The following TET2 variants were observed in gnomAD, a reference collection of about 807,000 sequenced individuals.
TET2 encodes tet methylcytosine dioxygenase 2.
In TET2, 299 loss-of-function variants were observed where a neutral mutation model predicts 142.9. That is an observed-to-expected ratio of 2.09 (90% CI 1.90 to 2.30). The LOEUF (loss-of-function observed/expected upper bound fraction) is 2.30, where lower values mean the gene tolerates loss of function less well. Among genes scored for constraint, TET2 ranks in the 30% most tolerant of loss-of-function variants. TET2 has a pLI of 0.00. For synonymous variants in TET2, 819 were observed against 849.0 expected (o/e 0.96, Z 0.61); for missense variants, 2,418 against 2,378.0 (o/e 1.02, Z -0.35).
chr4:105,235,346 T>G lies in TET2; in HGVS notation c.1404T>G (p.His468Gln). ...CCCAGAGTCCTAATCCATCTACACA[T>G]GTATGCAGCCCTTCTCCGATGCTTT... The part of the protein sequence containing the change: ...PPSQSPNPST[H>Q]VCSPSPMLSE... The change falls in exon 3 of 11, where the codon CAT becomes CAG. Residue 468 changes from histidine (H) to glutamine (Q), a missense_variant. His to Gln is a conservative substitution (Grantham distance 24, BLOSUM62 0). Transcript: ENST00000380013. 1.2e-6 allele frequency: 2 copies of G among 1,614,152 alleles called. No homozygotes were observed. Among genetic ancestry groups the G allele is most frequent in the Non-Finnish European group, 8.5e-7 (1 of 1,180,004 alleles).
intron 2 of TET2, 146 bp downstream of exon 2, chr4:105,190,651 G>C: frequency 1.8e-6 from 1 of 560,610 alleles, no homozygotes; most frequent in Non-Finnish European, 3.2e-6. Flanking sequence ...AGGACACATG[G>C]ATTAGATTGT....
chr4:105,237,694 AAAAC>A (rs1278610944), intron 3 of TET2: 1 of 1,314,500 alleles, frequency 7.6e-7, no homozygotes, highest in Non-Finnish European at 9.8e-7. Context: ...AGGCAGCAAA[AAAAC>A]AATCTATTAA....
chr4:105,241,430 GTAA>G lies in TET2; in HGVS notation c.3500+3_3500+5del. 1 of 1,549,392 alleles carries G rather than the reference GTAA, an allele frequency of 6.5e-7. No individual in the cohort carries two copies. On this transcript the variant is annotated splice_donor_variant and splice_donor_region_variant and intron_variant, in intron 4 of 10. Coordinates refer to ENST00000380013, the MANE Select transcript of TET2 (RefSeq NM_001127208.3). LOFTEE classifies it high-confidence loss of function. ...CTATTAGAGAAATCATGGAAGAAAG[GTAA>G]TTAACGCAAAGGCACAGGGCAGATT... is the stretch of plus-strand genomic sequence containing the variant.
chr4:105,175,956 C>T (rs190316324), intron 1 of TET2, among the ~76,000 whole-genome samples: 141 of 152,140 alleles, frequency 9.3e-4, no homozygotes, highest in Middle Eastern at 3.4e-3. Flanking sequence ...CGATTCTGGA[C>T]CTTGCAAAAT....
In TET2 at chr4:105,234,597, G is replaced by T; in HGVS notation, c.655G>T (p.Glu219Ter). 6.2e-7 allele frequency: 1 copy of T among 1,614,086 alleles called. No homozygotes were observed. Among genetic ancestry groups the T allele is most frequent in the Non-Finnish European group, 8.5e-7 (1 of 1,180,010 alleles). Residue 219 changes from glutamate (E) to a stop codon, truncating the protein, a stop_gained, in exon 3 of 11, where the codon GAA becomes TAA. Coordinates refer to ENST00000380013, the MANE Select transcript of TET2 (RefSeq NM_001127208.3). LOFTEE classifies it high-confidence loss of function. ...NGATVSASSVEHTHGELLEKT... is the reference protein window; with the variant it reads ...NGATVSASSV Reference sequence around the variant, plus strand: ...TGCTACAGTTTCTGCCTCTTCCGTGGAACACACACATGGTGAACTCCTGGA... The same window carrying T: ...TGCTACAGTTTCTGCCTCTTCCGTGTAACACACACATGGTGAACTCCTGGA...
intron 7 of TET2, 28 bp from the exon 8 acceptor site, chr4:105,261,731 A>T (rs774704386): frequency 4.9e-5 from 66 of 1,357,926 alleles, no homozygotes; most frequent in Non-Finnish European, 6.6e-5. Context: ...CTTAGAATTT[A>T]ATATGTAGAA....
chr4:105,152,172 G>C (rs935424731), intron 1 of TET2, among the ~76,000 whole-genome samples: 2 of 152,196 alleles, frequency 1.3e-5, no homozygotes, highest in Non-Finnish European at 2.9e-5. Flanking sequence ...AGCTATTCTG[G>C]AGGCTGATAC....
intron 7 of TET2, among the ~76,000 whole-genome samples, chr4:105,260,083 T>C (rs570307993): frequency 4.6e-5 from 7 of 152,260 alleles, no homozygotes; most frequent in African/African-American, 1.7e-4. Flanking sequence ...TTATGGAAGT[T>C]ACATAAGTAC....
intron 2 of TET2, among the ~76,000 whole-genome samples, chr4:105,227,000 G>A (rs1578656237): frequency 6.6e-6 from 1 of 151,850 alleles, no homozygotes; most frequent in Non-Finnish European, 1.5e-5. Flanking sequence ...TCAAAAGGAG[G>A]AAAAAAGAGT....
chr4:105,270,100 A>G (rs1730879411), intron 9 of TET2, among the ~76,000 whole-genome samples: 1 of 152,132 alleles, frequency 6.6e-6, no homozygotes, highest in African/African-American at 2.4e-5. Flanking sequence ...ACAATTCAAG[A>G]TGAGATTTAG....
At chr4:105,272,994 C>G in intron 10 of TET2, 76 bp downstream of exon 10, 1 of 1,233,432 alleles carries the variant, frequency 8.1e-7, no homozygotes, top group Non-Finnish European at 1.1e-6. Flanking sequence ...TTGGTTTTGC[C>G]CCCATCAACT....
At chr4:105,240,125 A>G (rs1560550789) in intron 3 of TET2, 1 of 232,246 alleles carries the variant, frequency 4.3e-6, no homozygotes, top group African/African-American at 2.3e-5. Flanking sequence ...GCCATAACAT[A>G]AATAATAATA....
At chr4:105,247,682 G>C (rs1315097024) in intron 6 of TET2, among the ~76,000 whole-genome samples, 1 of 148,460 alleles carries the variant, frequency 6.7e-6, no homozygotes, top group African/African-American at 2.5e-5. Flanking sequence ...TATCTTCTGT[G>C]GACTGGTAGT....
chr4:105,240,718 C>T, intron 3 of TET2: 1 of 1,080,344 alleles, frequency 9.3e-7, no homozygotes, highest in Non-Finnish European at 1.1e-6. Context: ...ACTTTTCCAT[C>T]TTTGTTGGTT....
At chr4:105,177,915 C>T (rs1724894058) in intron 1 of TET2, 2 of 152,060 alleles carry the variant, frequency 1.3e-5, no homozygotes, top group African/African-American at 4.8e-5. Context: ...GGTGAAACCC[C>T]AGCTCTACTA....
At position 105,276,342 on chromosome 4, in the gene TET2, C is replaced by T. The variant is rs1731222399; in HGVS notation, c.5832C>T (p.Ser1944=). 2.6e-6 allele frequency: 4 copies of T among 1,551,624 alleles called. No homozygotes were observed. Among genetic ancestry groups the T allele is most frequent in the Non-Finnish European group, 3.5e-6 (4 of 1,146,972 alleles). ...GCCCAGACTATGTGCCTCAGAAATCCCATGGCAAAAAAGTGAAACGGGAGC... is the reference window on the plus strand; with the variant it reads ...GCCCAGACTATGTGCCTCAGAAATCTCATGGCAAAAAAGTGAAACGGGAGC... The part of the protein sequence containing the change: ...KYGPDYVPQK[S]HGKKVKREPA... Residue 1944 remains serine (S), a synonymous_variant, in exon 11 of 11, where the codon TCC becomes TCT. Transcript: ENST00000380013.
At chr4:105,250,220 T>C (rs1305571828) in intron 6 of TET2, among the ~76,000 whole-genome samples, 4 of 152,106 alleles carry the variant, frequency 2.6e-5, no homozygotes, top group Admixed American at 2.6e-4. Context: ...TTAATCTGCA[T>C]GACTTTTCTT....
intron 6 of TET2, among the ~76,000 whole-genome samples, chr4:105,253,255 T>C (rs1386096999): frequency 3.9e-5 from 6 of 152,186 alleles, no homozygotes; most frequent in African/African-American, 1.4e-4. Flanking sequence ...TAGATTGCAC[T>C]GCATTTCTAG....
intron 2 of TET2, among the ~76,000 whole-genome samples, chr4:105,200,411 T>C (rs1560746687): frequency 6.6e-6 from 1 of 151,996 alleles, no homozygotes; most frequent in African/African-American, 2.4e-5. Context: ...TGTTTGTTTT[T>C]CCTGTAAATT....
Sources: allele counts gnomAD v4.1 joint callset (sites outside exome capture counted in the v4.1 genomes callset), GRCh38; gene constraint gnomAD v4.1.1; transcripts MANE v1.5; gene names NCBI Gene and HGNC (gene_info 2026-07-23, HGNC 2026-07-21).